Variants in SLIT2 observed in about 807,000 individuals in gnomAD.
SLIT2 encodes the protein slit homolog 2 protein.
A neutral mutation model predicts 185.7 loss-of-function variants in SLIT2; 41 were observed. The observed-to-expected ratio is 0.22, with a 90% CI of 0.17 to 0.29. SLIT2 has a LOEUF of 0.29. Among genes scored for constraint, SLIT2 ranks in the 10% least tolerant of loss-of-function variants. The pLI is 1.00. For missense variants in SLIT2, 1,571 were observed against 1,909.0 expected, an observed-to-expected ratio of 0.82 and a Z score of 3.30; for synonymous variants, 693 against 680.2, an observed-to-expected ratio of 1.02 and a Z score of -0.29.
intron 4 of SLIT2, among the ~76,000 whole-genome samples, chr4:20,344,371 A>C (rs1721209883): frequency 6.6e-6 from 1 of 152,094 alleles, no homozygotes; most frequent in Admixed American, 6.5e-5. Context: ...TTCTTGGAGA[A>C]ATTTTTTTAG....
chr4:20,392,091 A>T (rs573963910), intron 4 of SLIT2: 1 of 152,132 alleles, frequency 6.6e-6, no homozygotes, highest in South Asian at 2.1e-4. Context: ...ATTCTGAGAA[A>T]TGCATCACTA....
chr4:20,397,747 A>C (rs1560387694), intron 4 of SLIT2, among the ~76,000 whole-genome samples: 1 of 151,810 alleles, frequency 6.6e-6, no homozygotes, highest in Non-Finnish European at 1.5e-5. Flanking sequence ...CATTTACAGA[A>C]AAATAGAACA....
chr4:20,500,613 A>T (rs1036373544), intron 9 of SLIT2, among the ~76,000 whole-genome samples: 1 of 152,180 alleles, frequency 6.6e-6, no homozygotes, highest in African/African-American at 2.4e-5. Flanking sequence ...CTTCTTTATG[A>T]TAAAAAAAAT....
chr4:20,439,721 AG>A (rs1436021967), intron 4 of SLIT2, among the ~76,000 whole-genome samples: 2 of 152,174 alleles, frequency 1.3e-5, no homozygotes, highest in African/African-American at 4.8e-5. Context: ...CATTAATGGT[AG>A]GCCTTTGATT....
At chr4:20,368,248 G>GA (rs1723289775) in intron 4 of SLIT2, among the ~76,000 whole-genome samples, 1 of 125,980 alleles carries the variant, frequency 7.9e-6, no homozygotes. Flanking sequence ...AAAAAAGAAA[G>GA]AAAAAAGAGA....
chr4:20,528,943 C>G lies in SLIT2; in HGVS notation c.1463-6C>G. The G allele has an allele frequency of 1.9e-6, 3 of 1,607,510 alleles. No homozygotes were observed. Among genetic ancestry groups the G allele is most frequent in the Non-Finnish European group, 1.7e-6 (2 of 1,176,436 alleles). On this transcript the variant is annotated splice_region_variant and splice_polypyrimidine_tract_variant and intron_variant, in intron 15 of 36. Coordinates refer to ENST00000504154, the MANE Select transcript of SLIT2 (RefSeq NM_004787.4). The surrounding 1 kb of genome is among the most constrained non-coding windows in gnomAD (Gnocchi z 4.2). ...GTATCTTTTTTTTGGTTTGAATTCT[C>G]AATAGGTACAGAAGATTATCGATCA...
intron 4 of SLIT2, among the ~76,000 whole-genome samples, chr4:20,333,143 C>T (rs1411911712): frequency 6.6e-6 from 1 of 152,022 alleles, no homozygotes; most frequent in African/African-American, 2.4e-5. Flanking sequence ...GGAGAATACC[C>T]TTATACATAT....
intron 5 of SLIT2, among the ~76,000 whole-genome samples, chr4:20,474,781 G>T (rs1421762968): frequency 6.6e-6 from 1 of 151,828 alleles, no homozygotes; most frequent in Non-Finnish European, 1.5e-5. Flanking sequence ...TTTTAACAAG[G>T]TTGCCAGATT....
chr4:20,264,498 A>C (rs1365665199), intron 3 of SLIT2, among the ~76,000 whole-genome samples: 2 of 151,914 alleles, frequency 1.3e-5, no homozygotes, highest in African/African-American at 4.8e-5. Context: ...TTTGAATTAG[A>C]TGGAAGGTTG....
chr4:20,369,108 AGT>A (rs369203356), intron 4 of SLIT2, among the ~76,000 whole-genome samples: 105 of 152,194 alleles, frequency 6.9e-4, no homozygotes, highest in African/African-American at 2.4e-3. Context: ...TTTTTCTCTA[AGT>A]GAGTCCACAT....
chr4:20,506,651 C>T lies in SLIT2; in HGVS notation c.915-3844C>T, dbSNP rs181849686. ...TTGGGTTTAGTTTATCAAATATATTCTAAAATTCTTACAATGAAAAGGAAA... is the reference window on the plus strand; with the variant it reads ...TTGGGTTTAGTTTATCAAATATATTTTAAAATTCTTACAATGAAAAGGAAA... On this transcript the variant is annotated intron_variant, in intron 9 of 36. Transcript: ENST00000504154. Among the ~76,000 whole-genome samples the T allele has an allele frequency of 4.5e-4, 68 of 151,966 alleles. 1 individual carries two copies. The highest frequency in any genetic ancestry group is 3.9e-3 in the Admixed American group (59 of 15,246).
rs114052771 is a variant in SLIT2 at position 20,441,468 on chromosome 4, C to T, written c.396-26284C>T. Among the ~76,000 whole-genome samples, 1,391 of 150,836 alleles carry T rather than the reference C, an allele frequency of 9.2e-3. 24 individuals carry two copies. Among genetic ancestry groups the T allele is most frequent in the African/African-American group, 0.032 (1,313 of 40,996 alleles). On this transcript the variant is annotated intron_variant, in intron 4 of 36. Transcript: ENST00000504154. ...ATAATGACTGCATTAAGCTGAGGAACGTGTTCCCTCATCCAATCTCTCTCT... is the reference window on the plus strand; with the variant it reads ...ATAATGACTGCATTAAGCTGAGGAATGTGTTCCCTCATCCAATCTCTCTCT...
chr4:20,279,598 T>C (rs937584024), intron 4 of SLIT2, among the ~76,000 whole-genome samples: 1 of 152,186 alleles, frequency 6.6e-6, no homozygotes, highest in Non-Finnish European at 1.5e-5. Flanking sequence ...ATCTTGGGAA[T>C]ATCACTCAAT....
At chr4:20,474,411 A>G (rs974295677) in intron 5 of SLIT2, among the ~76,000 whole-genome samples, 1 of 151,956 alleles carries the variant, frequency 6.6e-6, no homozygotes, top group Non-Finnish European at 1.5e-5. Flanking sequence ...GCTACCAATA[A>G]CCTCTCCATC....
In SLIT2 at chr4:20,568,909, A is replaced by T. The variant is rs757300419; in HGVS notation, c.2993A>T (p.Asn998Ile). ...TTTGAAGGAGAAAATTGTGAAGTCA[A>T]CGTTGATGATTGTGAAGATAATGAC... ...DGFEGENCEV[N>I]VDDCEDNDCE... The change falls in exon 29 of 37, where the codon AAC (asparagine) becomes ATC (isoleucine). Residue 998 changes from asparagine to isoleucine, a missense_variant. Asn to Ile is a moderately radical substitution (Grantham distance 149, BLOSUM62 -3). Coordinates refer to ENST00000504154, the MANE Select transcript of SLIT2 (RefSeq NM_004787.4). 2 of 1,612,490 alleles carry T rather than the reference A, an allele frequency of 1.2e-6. No individual in the cohort carries two copies. The highest frequency in any genetic ancestry group is 1.1e-5 in the South Asian group (1 of 91,040).
chr4:20,462,093 C>A (rs138220111), intron 4 of SLIT2, among the ~76,000 whole-genome samples: 3 of 152,122 alleles, frequency 2.0e-5, no homozygotes, highest in Non-Finnish European at 4.4e-5. Flanking sequence ...ACTTCTCAGA[C>A]TTGGCTCTGG....
chr4:20,612,196 T>C (rs1729272926), intron 34 of SLIT2, among the ~76,000 whole-genome samples: 1 of 146,042 alleles, frequency 6.8e-6, no homozygotes, highest in Non-Finnish European at 1.5e-5. Context: ...TGAAACATAA[T>C]TGCACCATTG....
chr4:20,566,153 G>A (rs1008272022), intron 26 of SLIT2, among the ~76,000 whole-genome samples: 2 of 152,008 alleles, frequency 1.3e-5, no homozygotes, highest in African/African-American at 2.4e-5. Context: ...CGGTGGGGGT[G>A]CAGAGCTGCT....
chr4:20,566,074 C>T (rs1175067404), intron 26 of SLIT2, among the ~76,000 whole-genome samples: 1 of 151,934 alleles, frequency 6.6e-6, no homozygotes, highest in African/African-American at 2.4e-5. Context: ...TAATTTGATG[C>T]AGGTAGTTTA....
Sources: allele counts gnomAD v4.1 joint callset (sites outside exome capture counted in the v4.1 genomes callset), GRCh38; gene constraint gnomAD v4.1.1; non-coding constraint Gnocchi (gnomAD v3.1); transcripts MANE v1.5; gene names NCBI Gene and HGNC (gene_info 2026-07-23, HGNC 2026-07-21).